Variants in RBPJ observed in about 807,000 individuals in gnomAD.
RBPJ encodes the protein recombining binding protein suppressor of hairless.
A neutral mutation model predicts 67.8 loss-of-function variants in RBPJ; 9 were observed. The observed-to-expected ratio is 0.13, with a 90% confidence interval of 0.08 to 0.23. The LOEUF is 0.23. Ranked by LOEUF, RBPJ falls within the 10% of genes least tolerant of loss-of-function variation. The pLI, the probability that RBPJ is intolerant of heterozygous loss-of-function variation, is 1.00. For synonymous variants in RBPJ, 198 were observed against 203.3 expected (o/e 0.97, Z 0.22); for missense variants, 305 against 595.6 (o/e 0.51, Z 5.08).
chr4:26,177,654 A>G (rs182995045), intron 1 of RBPJ, among the ~76,000 whole-genome samples: 1 of 152,174 alleles, frequency 6.6e-6, no homozygotes, highest in African/African-American at 2.4e-5. Context: ...GGAAGAAAGA[A>G]AGAAAGAGAA....
At chr4:26,348,893 A>G (rs1263022357) in intron 1 of RBPJ, among the ~76,000 whole-genome samples, 9 of 152,006 alleles carry the variant, frequency 5.9e-5, no homozygotes, top group Admixed American at 5.9e-4. Flanking sequence ...TTTTGTAGAC[A>G]CAAGAGTCTC....
At chr4:26,282,239 C>A (rs1721300308) in intron 1 of RBPJ, among the ~76,000 whole-genome samples, 1 of 144,132 alleles carries the variant, frequency 6.9e-6, no homozygotes, top group Non-Finnish European at 1.5e-5. Context: ...CAAAATAAAT[C>A]CTTGAAAAAA....
chr4:26,140,110 A>T, the RBPJ span, among the ~76,000 whole-genome samples: 14 of 152,236 alleles, frequency 9.2e-5, no homozygotes, highest in African/African-American at 3.1e-4. Context: ...TGGTGACTTC[A>T]GTGAACTCAT....
chr4:26,327,783 T>C (rs1723792277), intron 1 of RBPJ, among the ~76,000 whole-genome samples: 1 of 152,060 alleles, frequency 6.6e-6, no homozygotes, highest in Non-Finnish European at 1.5e-5. Flanking sequence ...AGTTTGAGGC[T>C]GCAACGAATG....
rs759623862 is a variant in RBPJ, at chr4:26,415,559, T to C, written c.240T>C (p.Ser80=). Residue 80 remains serine (S), a synonymous_variant, in exon 4 of 11, where the codon TCT becomes TCC. Coordinates refer to ENST00000355476, the MANE Select transcript of RBPJ (RefSeq NM_015874.6). ...AACAAATGGAACGCGATGGTTGTTC[T>C]GAACAAGAGTCTCAACCGTGTGCAT... The part of the protein sequence containing the change: ...KKEQMERDGC[S]EQESQPCAFI... The C allele has an allele frequency of 6.2e-7, 1 of 1,613,512 alleles. No homozygotes were observed.
chr4:26,430,484 A>T lies in RBPJ; in HGVS notation c.1110A>T (p.Arg370=). Reference sequence around the variant, plus strand: ...GACAGAATTTCACTCCAAATTTACGAGTGTGGTTTGGGGATGTAGAAGCTG... The same window carrying T: ...GACAGAATTTCACTCCAAATTTACGTGTGTGGTTTGGGGATGTAGAAGCTG... ...LTGQNFTPNL[R]VWFGDVEAET... Residue 370 remains arginine (R), a synonymous_variant, in exon 10 of 11, where the codon CGA becomes CGT. Transcript: ENST00000355476. The surrounding 1 kb of genome is among the most constrained non-coding windows in gnomAD (Gnocchi z 4.1). 6.2e-7 allele frequency: 1 copy of T among 1,607,892 alleles called. No homozygotes were observed. Among genetic ancestry groups the T allele is most frequent in the Middle Eastern group, 1.7e-4 (1 of 6,022 alleles).
rs184178929 is a variant in RBPJ, at chr4:26,381,195, A to G, written c.21-5158A>G. On this transcript the variant is annotated intron_variant, in intron 1 of 10. Transcript: ENST00000355476. The stretch of plus-strand genomic sequence containing the variant: ...GTGTAGTTTTGATAACTTTTATCAC[A>G]TTTGTCCTCAATACATTTATGGTCA... Among the ~76,000 whole-genome samples the G allele has an allele frequency of 2.9e-4, 44 of 151,752 alleles. 1 individual carries two copies. The East Asian group carries it at 6.6e-3, about 23-fold the overall frequency.
chr4:26,378,917 T>C (rs896473332), intron 1 of RBPJ, among the ~76,000 whole-genome samples: 20 of 151,932 alleles, frequency 1.3e-4, no homozygotes, highest in Admixed American at 1.3e-3. Flanking sequence ...TCCCAGCTAC[T>C]CGAGAGGCTG....
At chr4:26,161,695 A>C (rs903508509), upstream of RBPJ, among the ~76,000 whole-genome samples, 1 of 152,230 alleles carries the variant, frequency 6.6e-6, no homozygotes, top group African/African-American at 2.4e-5. Flanking sequence ...CAAAGGCAAC[A>C]GCACTGCACC....
rs377480037 is a variant in RBPJ, at chr4:26,386,324, C to T, written c.21-29C>T. 3.3e-5 allele frequency: 51 copies of T among 1,524,914 alleles called. No individual in the cohort carries two copies. The African/African-American group carries it at 7.5e-4, about 23-fold the overall frequency. 94.5% of individuals were successfully genotyped at this position (1,524,914 alleles called of 1,614,324 possible). ...AGAGTGTATCATAAAGCTTACTTAACTTTATTTTCTTTATTTTTTTTTTTC... is the reference window on the plus strand; with the variant it reads ...AGAGTGTATCATAAAGCTTACTTAATTTTATTTTCTTTATTTTTTTTTTTC... On this transcript the variant is annotated intron_variant, in intron 1 of 10. Transcript: ENST00000355476.
chr4:26,414,242 T>C (rs971595113), intron 3 of RBPJ, among the ~76,000 whole-genome samples: 3 of 152,078 alleles, frequency 2.0e-5, no homozygotes, highest in African/African-American at 7.2e-5. Context: ...CTATGACAGC[T>C]CACCACAGCC....
intron 1 of RBPJ, among the ~76,000 whole-genome samples, chr4:26,207,618 C>T (rs577779525): frequency 1.6e-4 from 24 of 152,354 alleles, no homozygotes; most frequent in African/African-American, 5.5e-4. Context: ...CTATGCCAAG[C>T]TCTCGTTTAG....
intron 1 of RBPJ, among the ~76,000 whole-genome samples, chr4:26,306,451 A>G (rs1722242803): frequency 6.7e-6 from 1 of 149,994 alleles, no homozygotes; most frequent in South Asian, 2.1e-4. Flanking sequence ...TATTATTATT[A>G]TTATTATTAT....
chr4:26,415,636 GA>G lies in RBPJ; in HGVS notation c.320del (p.Lys107ArgfsTer24). ...GAAATGCAGCAGCTAAACTTGGAAGGAAAGGTAAATCAAGACTGCTAGTTCA... is the reference window on the plus strand; with the variant it reads ...GAAATGCAGCAGCTAAACTTGGAAGGAAGGTAAATCAAGACTGCTAGTTCA... ...DQEMQQLNLEGKNYCTAKTLY... is the reference protein window; with the variant it reads ...DQEMQQLNLEXKNYCTAKTLY... On this transcript the variant is annotated frameshift_variant, in exon 4 of 11. Coordinates refer to ENST00000355476, the MANE Select transcript of RBPJ (RefSeq NM_015874.6). LOFTEE classifies it high-confidence loss of function. 6.2e-7 allele frequency: 1 copy of G among 1,607,854 alleles called. No homozygotes were observed. The highest frequency in any genetic ancestry group is 8.5e-7 in the Non-Finnish European group (1 of 1,178,010).
intron 1 of RBPJ, among the ~76,000 whole-genome samples, chr4:26,354,096 A>C (rs1458402990): frequency 6.6e-6 from 1 of 151,120 alleles, no homozygotes; most frequent in Admixed American, 6.6e-5. Context: ...ATGCCCGGCT[A>C]ATTTTTTGTA....
the RBPJ span, among the ~76,000 whole-genome samples, chr4:26,116,179 T>C: frequency 6.6e-6 from 1 of 152,244 alleles, no homozygotes; most frequent in Non-Finnish European, 1.5e-5. Context: ...ACATCCACCG[T>C]GTTGACAGCA....
At position 26,325,400 on chromosome 4, in the gene RBPJ, G is replaced by A. The variant is rs546117260; in HGVS notation, c.20+4352G>A. 2.0e-5 allele frequency among the ~76,000 whole-genome samples: 3 copies of A among 152,264 alleles called. No homozygotes were observed. In the East Asian group the frequency reaches 5.8e-4, roughly 29 times the overall value. On this transcript the variant is annotated intron_variant, in intron 1 of 10. Transcript: ENST00000355476. ...CCTTTCAATGGCTCCCCCTAGCAGC[G>A]TTCATTAAGAGAGGCAACAGAGTGG...
intron 1 of RBPJ, among the ~76,000 whole-genome samples, chr4:26,271,814 T>C (rs1312306757): frequency 1.3e-5 from 2 of 152,180 alleles, no homozygotes; most frequent in Non-Finnish European, 2.9e-5. Flanking sequence ...ACATACAAAC[T>C]ATGATGTCCT....
At chr4:26,170,671 T>A (rs1298823588) in intron 1 of RBPJ, among the ~76,000 whole-genome samples, 2 of 152,186 alleles carry the variant, frequency 1.3e-5, no homozygotes, top group Non-Finnish European at 2.9e-5. Flanking sequence ...AACCAATCAG[T>A]AATTTTTGTT....
Sources: gnomAD v4.1 joint callset for allele counts (sites outside exome capture counted in the v4.1 genomes callset) on GRCh38, gnomAD v4.1.1 for gene constraint, Gnocchi (gnomAD v3.1) non-coding constraint, MANE v1.5 for transcripts, NCBI Gene and HGNC (gene_info 2026-07-23, HGNC 2026-07-21) for gene names.